ACP3: variants seen among roughly 807,000 people sequenced by gnomAD.
ACP3 encodes the protein acid phosphatase 3, also known as prostatic acid phosphatase.
Under a neutral mutation model 45.6 loss-of-function variants are expected in ACP3, and 38 were observed. That is an observed-to-expected ratio of 0.83 (90% CI 0.64 to 1.09). The LOEUF (loss-of-function observed/expected upper bound fraction) is 1.09, where lower values mean the gene tolerates loss of function less well. ACP3 is among the 50% of genes least tolerant of loss of function. The probability of loss-of-function intolerance (pLI) is 0.00; values close to 1 mark genes in which losing one functional copy is unlikely to be tolerated. For synonymous variants in ACP3, 162 were observed against 164.7 expected, an observed-to-expected ratio of 0.98 and a Z score of 0.13; for missense variants, 466 against 463.2, an observed-to-expected ratio of 1.01 and a Z score of -0.05.
intron 7 of ACP3, among the ~76,000 whole-genome samples, chr3:132,345,624 C>T (rs905258171): frequency 2.0e-5 from 3 of 152,132 alleles, no homozygotes; most frequent in Non-Finnish European, 4.4e-5. Context: ...TTGCAATTGA[C>T]AAGTTTATAA....
rs1002187028 is a variant in ACP3, at chr3:132,345,115, C to A, written c.781+56C>A. On this transcript the variant is annotated intron_variant, in intron 7 of 9. Coordinates refer to ENST00000336375, the MANE Select transcript of ACP3 (RefSeq NM_001099.5). ...GGATTTGTGGTTGAATGATCCAGGT[C>A]TGAGTCATTCCCTCCACTAATCAAC... 3.4e-6 allele frequency: 5 copies of A among 1,488,750 alleles called. 1 individual carries two copies. The highest frequency in any genetic ancestry group is 9.2e-7 in the Non-Finnish European group (1 of 1,085,988). 92.2% of individuals were successfully genotyped at this position (1,488,750 alleles called of 1,614,324 possible).
chr3:132,359,283 T>C (rs901054155), downstream of ACP3, among the ~76,000 whole-genome samples: 38 of 152,050 alleles, frequency 2.5e-4, no homozygotes, highest in Admixed American at 7.9e-4. Context: ...GAGGCCAAGG[T>C]GGGCGGATCA....
chr3:132,320,004 T>C (rs181752535), intron 1 of ACP3, among the ~76,000 whole-genome samples: 1 of 151,860 alleles, frequency 6.6e-6, no homozygotes, highest in Admixed American at 6.6e-5. Context: ...CTGTGACCCA[T>C]GAAATGCTAG....
chr3:132,352,907 T>A, intron 9 of ACP3, 84 bp downstream of exon 9: 1 of 956,690 alleles, frequency 1.0e-6, no homozygotes, highest in Non-Finnish European at 1.7e-6. Flanking sequence ...GTTGTGTGCC[T>A]GTTTGTCTTT....
intron 10 of ACP3, among the ~76,000 whole-genome samples, chr3:132,365,107 GT>G (rs1423818499): frequency 6.6e-6 from 1 of 152,200 alleles, no homozygotes; most frequent in East Asian, 1.9e-4. Flanking sequence ...AAGTCATTAA[GT>G]TTTTTCTACA....
At chr3:132,366,186 A>G (rs1409677106) in intron 10 of ACP3, among the ~76,000 whole-genome samples, 1 of 151,616 alleles carries the variant, frequency 6.6e-6, no homozygotes, top group East Asian at 1.9e-4. Context: ...CTGTATTCCC[A>G]GTTACTAGGG....
In ACP3 at chr3:132,352,704, AT is replaced by A; in HGVS notation, c.865-13del. ...TGAATCTGAACAGGCGATAAAATTG[AT>A]TTCAATCTCTGTAGCATGACACTAC... On this transcript the variant is annotated splice_polypyrimidine_tract_variant and intron_variant, in intron 8 of 9. Transcript: ENST00000336375. 3 of 1,581,656 alleles carry A rather than the reference AT, an allele frequency of 1.9e-6. No individual in the cohort carries two copies. The highest frequency in any genetic ancestry group is 3.3e-5 in the Admixed American group (2 of 59,916).
At chr3:132,322,246 C>G (rs1401161978) in intron 1 of ACP3, among the ~76,000 whole-genome samples, 1 of 152,168 alleles carries the variant, frequency 6.6e-6, no homozygotes, top group Admixed American at 6.5e-5. Context: ...CTGTGTTCGT[C>G]CCAGTCTCTG....
rs1402590297 is a variant in ACP3, at chr3:132,317,780, G to GT, written c.120+211dup. On this transcript the variant is annotated intron_variant, in intron 1 of 9. Transcript: ENST00000336375. ...CTAACAAAAATATTTTTTGGTCGCT[G>GT]TTTTTTTAGGGGTTGCTTTTTATTT... Among the ~76,000 whole-genome samples, 5 of 152,106 alleles carry GT rather than the reference G, an allele frequency of 3.3e-5. No individual in the cohort carries two copies. The East Asian group carries it at 7.7e-4, about 23-fold the overall frequency.
chr3:132,342,645 G>T lies in ACP3; in HGVS notation c.648+1G>T. ...AGTCTACGACCCTTTATATTGTGAG[G>T]TAAAAGAAAAAAAAATCACAGGTTA... On this transcript the variant is annotated splice_donor_variant, in intron 6 of 9. Transcript: ENST00000336375. LOFTEE classifies it high-confidence loss of function. 6.4e-7 allele frequency: 1 copy of T among 1,559,188 alleles called. No homozygotes were observed. Among genetic ancestry groups the T allele is most frequent in the Non-Finnish European group, 8.7e-7 (1 of 1,153,872 alleles).
Position 132,358,473 on chromosome 3 carries a change from G to T in ACP3, c.*1595G>T, listed in dbSNP as rs1345480484. 1 of 1,274,818 alleles carries T rather than the reference G, an allele frequency of 7.8e-7. No individual in the cohort carries two copies. Among genetic ancestry groups the T allele is most frequent in the Non-Finnish European group, 1.0e-6 (1 of 980,386 alleles). 79.0% of individuals were successfully genotyped at this position (1,274,818 alleles called of 1,614,324 possible). A position where few individuals can be genotyped will look rare whatever the true frequency, so the allele number is the denominator to read the frequency against. ...AAATCATGATATAGCTTTGCCATGT[G>T]GCAGATCTACATGTCTAGAGAACAC... On this transcript the variant is annotated 3_prime_UTR_variant, in exon 10 of 10. Coordinates refer to ENST00000336375, the MANE Select transcript of ACP3 (RefSeq NM_001099.5).
intron 5 of ACP3, among the ~76,000 whole-genome samples, chr3:132,338,270 GGTTTT>G (rs930753661): frequency 3.4e-5 from 5 of 148,774 alleles, no homozygotes; most frequent in Non-Finnish European, 1.5e-5. Context: ...TGGGCACCTT[GGTTTT>G]GTTTTGTTTT....
intron 1 of ACP3, among the ~76,000 whole-genome samples, chr3:132,318,832 T>C (rs1037960972): frequency 3.9e-5 from 6 of 152,214 alleles, no homozygotes. Flanking sequence ...GTACTGCATC[T>C]GCCGTGCTTG....
chr3:132,332,328 C>T lies in ACP3; in HGVS notation c.440C>T (p.Pro147Leu), dbSNP rs1937415665. The change falls in exon 4 of 10, where the codon CCT becomes CTT. Residue 147 changes from proline to leucine, a missense_variant. Transcript: ENST00000336375. The stretch of plus-strand genomic sequence containing the variant: ...CAGCCCATCCCGGTGCACACAGTTC[C>T]TCTTTCTGAAGATCAGGTCAGTATA... The part of the protein sequence containing the change: ...LWQPIPVHTV[P>L]LSEDQLLYLP... 1 of 1,614,100 alleles carries T rather than the reference C, an allele frequency of 6.2e-7. No individual in the cohort carries two copies. The highest frequency in any genetic ancestry group is 8.5e-7 in the Non-Finnish European group (1 of 1,179,984).
intron 9 of ACP3, among the ~76,000 whole-genome samples, chr3:132,354,783 G>A (rs1025855740): frequency 6.6e-6 from 1 of 152,132 alleles, no homozygotes; most frequent in African/African-American, 2.4e-5. Context: ...TAAAATCATA[G>A]ACTATATAAA....
In ACP3 at chr3:132,332,405, C is replaced by T; in HGVS notation, c.456+61C>T. On this transcript the variant is annotated intron_variant, in intron 4 of 9. Coordinates refer to ENST00000336375, the MANE Select transcript of ACP3 (RefSeq NM_001099.5). ...GACCTAGAATGAGGAAGGCAGGCTA[C>T]TCAACAGTTGTGGATTTGGGAGTCT... 4 of 1,589,768 alleles carry T rather than the reference C, an allele frequency of 2.5e-6. No individual in the cohort carries two copies. The Admixed American group carries it at 5.1e-5, about 20-fold the overall frequency.
intron 5 of ACP3, among the ~76,000 whole-genome samples, chr3:132,340,433 A>G (rs1358412161): frequency 1.3e-5 from 2 of 151,956 alleles, no homozygotes; most frequent in African/African-American, 4.8e-5. Context: ...TAGGTTCTGT[A>G]TCAATGTATT....
intron 6 of ACP3, among the ~76,000 whole-genome samples, chr3:132,342,978 G>A (rs1937569132): frequency 6.6e-6 from 1 of 152,020 alleles, no homozygotes; most frequent in Admixed American, 6.5e-5. Flanking sequence ...CCTGTCCTTG[G>A]TCTTAATGAA....
chr3:132,322,676 C>G (rs1310360578), intron 1 of ACP3, among the ~76,000 whole-genome samples: 2 of 152,198 alleles, frequency 1.3e-5, no homozygotes, highest in Non-Finnish European at 2.9e-5. Context: ...AGTCTGGAAG[C>G]AGACTCACTG....
Sources: allele counts gnomAD v4.1 joint callset (sites outside exome capture counted in the v4.1 genomes callset), GRCh38; gene constraint gnomAD v4.1.1; transcripts MANE v1.5; gene names NCBI Gene and HGNC (gene_info 2026-07-23, HGNC 2026-07-21).